UNC13A: variants seen among roughly 807,000 people sequenced by gnomAD.
UNC13A encodes the protein protein unc-13 homolog A.
Under a neutral mutation model 219.7 loss-of-function variants are expected in UNC13A, and 61 were observed. That is an observed-to-expected ratio of 0.28 (90% CI 0.23 to 0.34). The LOEUF (loss-of-function observed/expected upper bound fraction) is 0.34, where lower values mean the gene tolerates loss of function less well. Among genes scored for constraint, UNC13A ranks in the 10% least tolerant of loss-of-function variants. The pLI is 1.00. For missense variants in UNC13A, 1,476 were observed against 2,270.3 expected (o/e 0.65, Z 7.11); for synonymous variants, 920 against 884.6 (o/e 1.04, Z -0.71).
chr19:17,673,207 A>G (rs1349627811), intron 3 of UNC13A, among the ~76,000 whole-genome samples: 1 of 151,698 alleles, frequency 6.6e-6, no homozygotes, highest in East Asian at 1.9e-4. Flanking sequence ...AAAATACAAA[A>G]TTAGCCGGGC....
chr19:17,671,507 G>A (rs1349313731), intron 4 of UNC13A, among the ~76,000 whole-genome samples: 4 of 151,996 alleles, frequency 2.6e-5, no homozygotes, highest in African/African-American at 7.3e-5. Context: ...ATGGTGGCTC[G>A]CACCTGTAAT....
chr19:17,610,212 T>C (rs912233516), intron 42 of UNC13A, 113 bp from the exon 43 acceptor site: 1 of 1,437,410 alleles, frequency 7.0e-7, no homozygotes, highest in South Asian at 1.2e-5. Flanking sequence ...ACGCTTGTAA[T>C]CCCACCACTT....
intron 43 of UNC13A, 91 bp from the exon 44 acceptor site, chr19:17,606,445 C>A (rs1455174975): frequency 1.4e-6 from 2 of 1,477,058 alleles, no homozygotes; most frequent in Admixed American, 2.1e-5. Flanking sequence ...CGGGCCACGC[C>A]CACACCGGGG....
intron 3 of UNC13A, among the ~76,000 whole-genome samples, chr19:17,673,971 A>G (rs976611612): frequency 1.3e-5 from 2 of 152,244 alleles, no homozygotes; most frequent in South Asian, 4.1e-4. Context: ...AGATTATGCC[A>G]CTGTACTCCA....
chr19:17,611,286 C>T (rs1018749215), intron 42 of UNC13A, among the ~76,000 whole-genome samples: 3 of 152,130 alleles, frequency 2.0e-5, no homozygotes, highest in Non-Finnish European at 1.5e-5. Flanking sequence ...CGGGTTCAAG[C>T]GATCCTCCCA....
At chr19:17,612,888 T>C (rs754938898) in intron 41 of UNC13A, among the ~76,000 whole-genome samples, 2 of 151,780 alleles carry the variant, frequency 1.3e-5, no homozygotes, top group African/African-American at 2.4e-5. Flanking sequence ...AGTCAGATCA[T>C]GTCCCTCCTC....
chr19:17,608,480 TA>T (rs1358197036), intron 43 of UNC13A, among the ~76,000 whole-genome samples: 1 of 138,366 alleles, frequency 7.2e-6, no homozygotes, highest in Non-Finnish European at 1.5e-5. Flanking sequence ...ATTTTATATA[TA>T]ATTATATAAT....
chr19:17,682,136 T>C (rs1176267835), intron 1 of UNC13A, among the ~76,000 whole-genome samples: 1 of 152,014 alleles, frequency 6.6e-6, no homozygotes, highest in Admixed American at 6.6e-5. Flanking sequence ...TGTATTTTAG[T>C]AAAGACAGGG....
At chr19:17,670,351 C>T (rs1373510141) in intron 4 of UNC13A, among the ~76,000 whole-genome samples, 1 of 152,092 alleles carries the variant, frequency 6.6e-6, no homozygotes, top group Non-Finnish European at 1.5e-5. Context: ...AGTGATTCTC[C>T]TAACTCAGCC....
In UNC13A at chr19:17,647,396, T is replaced by A; in HGVS notation, c.1913A>T (p.Lys638Met). Residue 638 changes from lysine (K) to methionine (M), a missense_variant, in exon 17 of 44, where the codon AAG becomes ATG. Around this residue, in one of 14 missense-constraint regions of UNC13A, gnomAD observed 34 missense variants for 38.7 expected, o/e 0.88. Transcript: ENST00000519716. Reference sequence around the variant, plus strand: ...CTGGATGAGCTCGAAGATCTCGGGCTTGTTGCGCTCCCGGATCTTCATGCG... The same window carrying A: ...CTGGATGAGCTCGAAGATCTCGGGCATGTTGCGCTCCCGGATCTTCATGCG... ...KDRMKIRERN[K>M]PEIFELIQEI... 1 of 1,613,770 alleles carries A rather than the reference T, an allele frequency of 6.2e-7. No individual in the cohort carries two copies.
chr19:17,663,653 C>T, intron 7 of UNC13A, 86 bp from the exon 8 acceptor site: 1 of 1,416,066 alleles, frequency 7.1e-7, no homozygotes, highest in Non-Finnish European at 9.7e-7. Context: ...TCCTCACTCT[C>T]CCCAACTGCT....
intron 17 of UNC13A, 64 bp from the exon 18 acceptor site, chr19:17,646,175 A>G: frequency 6.3e-7 from 1 of 1,594,788 alleles, no homozygotes; most frequent in Admixed American, 1.7e-5. Flanking sequence ...GGGGACAGTC[A>G]CTGCCACACG....
chr19:17,651,185 G>A (rs1288736668), intron 12 of UNC13A, among the ~76,000 whole-genome samples: 1 of 149,566 alleles, frequency 6.7e-6, no homozygotes. Context: ...GTGATCAACC[G>A]CCTAGGCCTC....
At chr19:17,668,335 C>A in intron 5 of UNC13A, 145 bp from the exon 6 acceptor site, 1 of 706,098 alleles carries the variant, frequency 1.4e-6, no homozygotes, top group Admixed American at 2.4e-5. Context: ...GGTCTGCGGT[C>A]TCAGGAGGGT....
chr19:17,619,695 A>G (rs1266005604), intron 38 of UNC13A, among the ~76,000 whole-genome samples: 1 of 152,056 alleles, frequency 6.6e-6, no homozygotes, highest in Non-Finnish European at 1.5e-5. Context: ...AGCCTCCCAA[A>G]GTGCTGGGAT....
chr19:17,630,208 G>T lies in UNC13A; in HGVS notation c.3606C>A (p.Ile1202=), dbSNP rs1219693591. The T allele has an allele frequency of 1.9e-6, 3 of 1,553,174 alleles. No individual in the cohort carries two copies. The highest frequency in any genetic ancestry group is 3.9e-5 in the Admixed American group (2 of 51,056). Residue 1202 remains isoleucine, a synonymous_variant, in exon 30 of 44, where the codon ATC becomes ATA. Coordinates refer to ENST00000519716, the MANE Select transcript of UNC13A (RefSeq NM_001080421.3). ...GGTCGGGACACTCGAGTTTCTTGATGATTTCAAAGCTCTGGTTGAGTTGGG... is the reference window on the plus strand; with the variant it reads ...GGTCGGGACACTCGAGTTTCTTGATTATTTCAAAGCTCTGGTTGAGTTGGG... ...VFSQLNQSFE[I]IKKLECPDPQ... is the part of the protein sequence containing the mutation.
At chr19:17,640,116 C>T (rs2076953131) in intron 22 of UNC13A, among the ~76,000 whole-genome samples, 1 of 152,046 alleles carries the variant, frequency 6.6e-6, no homozygotes, top group Admixed American at 6.5e-5. Flanking sequence ...CTCACTGCAA[C>T]CTCCGACTCC....
intron 1 of UNC13A, among the ~76,000 whole-genome samples, chr19:17,680,331 C>G (rs1198135093): frequency 6.6e-6 from 1 of 152,196 alleles, no homozygotes; most frequent in Non-Finnish European, 1.5e-5. Flanking sequence ...GGGGCGGAAG[C>G]GCCACCCTTC....
At chr19:17,645,284 C>T (rs986901336) in intron 19 of UNC13A, among the ~76,000 whole-genome samples, 76 of 151,876 alleles carry the variant, frequency 5.0e-4, no homozygotes, top group African/African-American at 1.8e-3. Flanking sequence ...GCTGGGATTA[C>T]AGGCGTGAGC....
Sources: gnomAD v4.1 joint callset for allele counts (sites outside exome capture counted in the v4.1 genomes callset) on GRCh38, gnomAD v4.1.1 for gene constraint, gnomAD v4.1.1 regional missense constraint, MANE v1.5 for transcripts, NCBI Gene and HGNC (gene_info 2026-07-23, HGNC 2026-07-21) for gene names.